STK3: variants seen among roughly 807,000 people sequenced by gnomAD.
STK3 encodes the protein serine/threonine-protein kinase 3.
In STK3, 41 loss-of-function variants were observed where a neutral mutation model predicts 58.0. The observed-to-expected ratio is 0.71, with a 90% CI of 0.55 to 0.92. STK3 has a LOEUF of 0.92. Ranked by LOEUF, STK3 falls within the 40% of genes least tolerant of loss-of-function variation. The pLI is 0.00. For missense variants in STK3, 479 were observed against 602.7 expected (o/e 0.79, Z 2.15); for synonymous variants, 170 against 191.0 (o/e 0.89, Z 0.91).
intron 3 of STK3, among the ~76,000 whole-genome samples, chr8:98,754,801 T>G (rs923966967): frequency 1.3e-5 from 2 of 151,992 alleles, no homozygotes; most frequent in African/African-American, 4.8e-5. Context: ...TGAACCACCA[T>G]GCCCGCCAAA....
intron 7 of STK3, among the ~76,000 whole-genome samples, chr8:98,586,404 G>A (rs1180864182): frequency 2.0e-5 from 3 of 151,140 alleles, no homozygotes; most frequent in Non-Finnish European, 4.4e-5. Context: ...TACATTTATT[G>A]ATTTGCATAT....
At chr8:98,644,498 G>A (rs1820256716) in intron 6 of STK3, among the ~76,000 whole-genome samples, 9 of 152,010 alleles carry the variant, frequency 5.9e-5, no homozygotes, top group Admixed American at 5.9e-4. Context: ...TCCTTATGTT[G>A]TTTACAGTCT....
intron 6 of STK3, among the ~76,000 whole-genome samples, chr8:98,614,878 T>A (rs1345623058): frequency 6.6e-6 from 1 of 152,046 alleles, no homozygotes; most frequent in Non-Finnish European, 1.5e-5. Flanking sequence ...GCAGCTAGGC[T>A]GGGGGAGGGG....
At chr8:98,488,074 A>C (rs1234237555) in intron 10 of STK3, among the ~76,000 whole-genome samples, 1 of 152,224 alleles carries the variant, frequency 6.6e-6, no homozygotes, top group Non-Finnish European at 1.5e-5. Context: ...GAAAAGTTGC[A>C]AAACTGAAAA....
At chr8:98,633,932 A>C (rs960941414) in intron 6 of STK3, 11 of 246,500 alleles carry the variant, frequency 4.5e-5, no homozygotes, top group African/African-American at 2.0e-4. Flanking sequence ...ACTAGCTAGA[A>C]GTTTCAGAAT....
intron 10 of STK3, among the ~76,000 whole-genome samples, chr8:98,470,171 G>T (rs1820812657): frequency 6.6e-6 from 1 of 152,184 alleles, no homozygotes; most frequent in Admixed American, 6.5e-5. Flanking sequence ...AATACCACAT[G>T]CAAAGAAATT....
chr8:98,579,939 A>G, intron 7 of STK3, 150 bp from the exon 8 acceptor site: 4 of 745,486 alleles, frequency 5.4e-6, no homozygotes, highest in Middle Eastern at 4.1e-4. Flanking sequence ...TTAAGAAAAG[A>G]GAGTATGGCC....
chr8:98,570,453 T>C (rs1812868644), intron 8 of STK3, among the ~76,000 whole-genome samples: 1 of 152,160 alleles, frequency 6.6e-6, no homozygotes, highest in Non-Finnish European at 1.5e-5. Flanking sequence ...AATATATTTA[T>C]TTTTAATTTT....
Position 98,633,911 on chromosome 8 carries a change from T to C in STK3, c.685-37742A>G. 5 of 293,272 alleles carry C rather than the reference T, an allele frequency of 1.7e-5. No homozygotes were observed. In the South Asian group the frequency reaches 2.7e-4, roughly 16 times the overall value. 18.2% of individuals were successfully genotyped at this position (293,272 alleles called of 1,614,324 possible). ...AATTAACCTGGTAAGTTGTCAAGGG[T>C]TAGCTGTACAACTAGCTAGAAGTTT... is the stretch of plus-strand genomic sequence containing the variant. On this transcript the variant is annotated intron_variant, in intron 6 of 10. Coordinates refer to ENST00000419617, the MANE Select transcript of STK3 (RefSeq NM_006281.4).
At chr8:98,593,828 C>G (rs1263426753) in intron 7 of STK3, among the ~76,000 whole-genome samples, 2 of 152,012 alleles carry the variant, frequency 1.3e-5, no homozygotes, top group Admixed American at 6.5e-5. Flanking sequence ...CTTGAAGAGA[C>G]AGAATGGTTC....
intron 3 of STK3, among the ~76,000 whole-genome samples, chr8:98,417,058 A>G (rs1012132381): frequency 6.6e-6 from 1 of 152,212 alleles, no homozygotes; most frequent in African/African-American, 2.4e-5. Flanking sequence ...AGGTGGGCCT[A>G]GAATGGAAAG....
chr8:98,623,650 G>A (rs1818498303), intron 6 of STK3, among the ~76,000 whole-genome samples: 1 of 152,146 alleles, frequency 6.6e-6, no homozygotes, highest in African/African-American at 2.4e-5. Flanking sequence ...CAGGCATGGT[G>A]GTGTGCACCT....
At chr8:98,490,207 G>C (rs1822579459) in intron 10 of STK3, among the ~76,000 whole-genome samples, 1 of 152,064 alleles carries the variant, frequency 6.6e-6, no homozygotes, top group Admixed American at 6.5e-5. Context: ...CTGGTATAGA[G>C]GAAACACTAA....
At chr8:98,859,406 A>G (rs1587761627) in intron 3 of STK3, among the ~76,000 whole-genome samples, 2 of 152,224 alleles carry the variant, frequency 1.3e-5, no homozygotes, top group South Asian at 2.1e-4. Context: ...TGGCCTATAT[A>G]TAAGTTAACA....
intron 3 of STK3, among the ~76,000 whole-genome samples, chr8:98,756,091 C>T (rs1229368282): frequency 2.0e-5 from 3 of 151,338 alleles, no homozygotes; most frequent in East Asian, 3.9e-4. Context: ...TGCAGAGAGA[C>T]GAGATCGTGC....
intron 1 of STK3, chr8:98,906,294 G>A (rs912678744): frequency 6.6e-6 from 1 of 152,570 alleles, no homozygotes; most frequent in Non-Finnish European, 1.5e-5. Context: ...GGTTTAGCTG[G>A]TCTACAACAA....
At chr8:98,525,232 GAC>G (rs1825660727) in intron 10 of STK3, among the ~76,000 whole-genome samples, 1 of 152,160 alleles carries the variant, frequency 6.6e-6, no homozygotes, top group Non-Finnish European at 1.5e-5. Context: ...TGTACACACG[GAC>G]ACAGAGTGCG....
intron 2 of STK3, among the ~76,000 whole-genome samples, chr8:98,769,473 C>T (rs937768656): frequency 4.6e-5 from 7 of 152,200 alleles, no homozygotes; most frequent in Non-Finnish European, 1.0e-4. Flanking sequence ...ATCTTCCTTG[C>T]CTTCCACCAT....
At chr8:98,795,817 A>ATACG (rs1833131177) in intron 1 of STK3, among the ~76,000 whole-genome samples, 4 of 133,206 alleles carry the variant, frequency 3.0e-5, no homozygotes, top group Non-Finnish European at 6.6e-5. Flanking sequence ...AATACAATAC[A>ATACG]ATACAATACA....
Sources: allele counts gnomAD v4.1 joint callset (sites outside exome capture counted in the v4.1 genomes callset), GRCh38; gene constraint gnomAD v4.1.1; transcripts MANE v1.5; gene names NCBI Gene and HGNC (gene_info 2026-07-23, HGNC 2026-07-21).